The following ISM1 variants were observed in gnomAD, a reference collection of about 807,000 sequenced individuals.
ISM1 encodes the protein isthmin 1.
ISM1 carries 25 observed loss-of-function variants against 46.3 expected under a neutral mutation model. The ratio of observed to expected loss-of-function variants is 0.54; its 90% CI spans 0.39 to 0.75. ISM1 has a LOEUF of 0.75. Ranked by LOEUF, ISM1 falls within the 30% of genes least tolerant of loss-of-function variation. The pLI, the probability that ISM1 is intolerant of heterozygous loss-of-function variation, is 0.00. For synonymous variants in ISM1, 255 were observed against 256.7 expected (o/e 0.99, Z 0.06); for missense variants, 536 against 625.4 (o/e 0.86, Z 1.52).
intron 2 of ISM1, among the ~76,000 whole-genome samples, chr20:13,272,535 G>A (rs1187469344): frequency 6.6e-6 from 1 of 152,188 alleles, no homozygotes; most frequent in Non-Finnish European, 1.5e-5. Flanking sequence ...GATCTCAATA[G>A]GTGGAAAGAA....
At chr20:13,291,661 T>C (rs2040354182) in intron 4 of ISM1, among the ~76,000 whole-genome samples, 1 of 152,206 alleles carries the variant, frequency 6.6e-6, no homozygotes, top group African/African-American at 2.4e-5. Context: ...CTGGGTTCAG[T>C]TCCTCAGAGC....
intron 5 of ISM1, among the ~76,000 whole-genome samples, chr20:13,295,100 T>C (rs2040394158): frequency 6.6e-6 from 1 of 152,086 alleles, no homozygotes; most frequent in South Asian, 2.1e-4. Context: ...ACCACCAGCC[T>C]CCCAGGCTCC....
chr20:13,326,522 C>G, the ISM1 span, among the ~76,000 whole-genome samples: 1 of 122,754 alleles, frequency 8.1e-6, no homozygotes, highest in Non-Finnish European at 1.6e-5. Flanking sequence ...CTCACCAACA[C>G]TTGGTATGAA....
At chr20:13,318,589 T>A in the ISM1 span, among the ~76,000 whole-genome samples, 401 of 152,348 alleles carry the variant, frequency 2.6e-3, no homozygotes, top group Non-Finnish European at 3.7e-3. Flanking sequence ...TCAGCCAAGA[T>A]GTCCTTCAGT....
intron 1 of ISM1, among the ~76,000 whole-genome samples, chr20:13,248,272 T>G (rs2039825427): frequency 6.6e-6 from 1 of 152,200 alleles, no homozygotes. Context: ...ACAAGGGATC[T>G]GATATCCAGC....
the ISM1 span, among the ~76,000 whole-genome samples, chr20:13,307,823 A>G: frequency 6.6e-6 from 1 of 152,236 alleles, no homozygotes; most frequent in African/African-American, 2.4e-5. Context: ...TTTATTTAAC[A>G]GTTCTACCAT....
intron 2 of ISM1, among the ~76,000 whole-genome samples, chr20:13,276,263 T>C (rs1600540198): frequency 2.0e-5 from 3 of 152,286 alleles, no homozygotes; most frequent in Middle Eastern, 3.4e-3. Context: ...CTTTCCTGAG[T>C]TTGAAGAGCA....
rs369448992 is a variant in ISM1, at chr20:13,234,425, G to A, written c.138+12511G>A. Among the ~76,000 whole-genome samples, 5 of 152,238 alleles carry A rather than the reference G, an allele frequency of 3.3e-5. No homozygotes were observed. The East Asian group carries it at 9.6e-4, about 29-fold the overall frequency. On this transcript the variant is annotated intron_variant, in intron 1 of 5. Coordinates refer to ENST00000262487, the MANE Select transcript of ISM1 (RefSeq NM_080826.2). ...CTGTGATATAAACAGATGAGTGCGG[G>A]TATCTTTTTGATGTATTGATTTCTT...
chr20:13,242,197 G>C (rs1261654296), intron 1 of ISM1, among the ~76,000 whole-genome samples: 2 of 152,124 alleles, frequency 1.3e-5, no homozygotes, highest in African/African-American at 4.8e-5. Flanking sequence ...CCAAGAACTG[G>C]GGAGGTCATC....
the ISM1 span, among the ~76,000 whole-genome samples, chr20:13,320,510 C>T: frequency 6.6e-6 from 1 of 152,048 alleles, no homozygotes; most frequent in Non-Finnish European, 1.5e-5. Flanking sequence ...TTTAGAAAGA[C>T]CCAAATATAT....
Position 13,279,787 on chromosome 20 carries a change from T to C in ISM1, c.532T>C (p.Tyr178His). 2 of 1,614,052 alleles carry C rather than the reference T, an allele frequency of 1.2e-6. No individual in the cohort carries two copies. The highest frequency in any genetic ancestry group is 1.3e-5 in the African/African-American group (1 of 75,066). Residue 178 changes from tyrosine to histidine, a missense_variant, in exon 3 of 6, where the codon TAC becomes CAC. Coordinates refer to ENST00000262487, the MANE Select transcript of ISM1 (RefSeq NM_080826.2). ...CAGGGCAAACAGCGGGGACCAGGAC[T>C]ACAAGTACGACAGTACCTCAGACGA... ...LARANSGDQDYKYDSTSDDSN... is the reference protein window; with the variant it reads ...LARANSGDQDHKYDSTSDDSN...
At chr20:13,222,162 A>C (rs528322232) in intron 1 of ISM1, among the ~76,000 whole-genome samples, 9 of 152,214 alleles carry the variant, frequency 5.9e-5, no homozygotes, top group Non-Finnish European at 2.9e-5. Context: ...GTCACGGGTC[A>C]GGTGCGGGGT....
chr20:13,270,847 C>A (rs1190718584), intron 2 of ISM1, 104 bp downstream of exon 2: 17 of 1,057,460 alleles, frequency 1.6e-5, no homozygotes, highest in Non-Finnish European at 2.2e-5. Flanking sequence ...TTCTTCTTAA[C>A]CCCTTAATGA....
At chr20:13,312,393 G>A in the ISM1 span, among the ~76,000 whole-genome samples, 10 of 152,168 alleles carry the variant, frequency 6.6e-5, no homozygotes, top group East Asian at 1.9e-4. Flanking sequence ...AGGTAATGAA[G>A]CCACTCCTAC....
At chr20:13,313,378 G>A in the ISM1 span, among the ~76,000 whole-genome samples, 1 of 152,214 alleles carries the variant, frequency 6.6e-6, no homozygotes, top group African/African-American at 2.4e-5. Flanking sequence ...TTACTCTTGT[G>A]TCAATCACAG....
the ISM1 span, among the ~76,000 whole-genome samples, chr20:13,318,780 G>A: frequency 6.6e-6 from 1 of 152,148 alleles, no homozygotes; most frequent in East Asian, 1.9e-4. Context: ...ATCTAAAGAG[G>A]CTACCTACAC....
chr20:13,251,881 A>T (rs914596988), intron 1 of ISM1, among the ~76,000 whole-genome samples: 1 of 152,208 alleles, frequency 6.6e-6, no homozygotes, highest in African/African-American at 2.4e-5. Context: ...GACTCTGGTT[A>T]AAAATGGGTT....
At chr20:13,306,259 A>G in the ISM1 span, among the ~76,000 whole-genome samples, 1 of 152,328 alleles carries the variant, frequency 6.6e-6, no homozygotes, top group Middle Eastern at 3.4e-3. Flanking sequence ...TTAAAAAAGA[A>G]AAAGGAATTT....
chr20:13,279,837 G>A lies in ISM1; in HGVS notation c.582G>A (p.Arg194=), dbSNP rs370187055. ...SDDSNFLNPP[R]GWDHTAPGHR... ...ACAGCAACTTCCTCAACCCCCCCAG[G>A]GGGTGGGACCATACAGCCCCAGGCC... The change falls in exon 3 of 6, where the codon AGG becomes AGA. Residue 194 remains arginine (R), a synonymous_variant. Coordinates refer to ENST00000262487, the MANE Select transcript of ISM1 (RefSeq NM_080826.2). 7 of 1,613,818 alleles carry A rather than the reference G, an allele frequency of 4.3e-6. No homozygotes were observed. The highest frequency in any genetic ancestry group is 5.1e-6 in the Non-Finnish European group (6 of 1,179,852).
Sources: allele counts gnomAD v4.1 joint callset (sites outside exome capture counted in the v4.1 genomes callset), GRCh38; gene constraint gnomAD v4.1.1; transcripts MANE v1.5; gene names NCBI Gene and HGNC (gene_info 2026-07-23, HGNC 2026-07-21).